DLGAP2: variants seen among roughly 807,000 people sequenced by gnomAD.
DLGAP2 encodes the protein disks large-associated protein 2.
Under a neutral mutation model 100.3 loss-of-function variants are expected in DLGAP2, and 26 were observed. That is an observed-to-expected ratio of 0.26 (90% CI 0.19 to 0.36). The LOEUF (loss-of-function observed/expected upper bound fraction) is 0.36, where lower values mean the gene tolerates loss of function less well. Ranked by LOEUF, DLGAP2 falls within the 10% of genes least tolerant of loss-of-function variation. The pLI is 1.00. For synonymous variants in DLGAP2, 886 were observed against 630.1 expected (o/e 1.41, Z -6.08); for missense variants, 1,858 against 1,453.2 (o/e 1.28, Z -4.53).
At chr8:1,205,832 A>G (rs939954889) in intron 2 of DLGAP2, among the ~76,000 whole-genome samples, 9 of 152,146 alleles carry the variant, frequency 5.9e-5, no homozygotes, top group African/African-American at 1.9e-4. Flanking sequence ...GAATACATCA[A>G]ATCTGGAGTA....
intron 3 of DLGAP2, among the ~76,000 whole-genome samples, chr8:1,320,927 CTGTGTGTATACATGTATCTGTGTG>C (rs1455831664): frequency 3.9e-5 from 6 of 152,090 alleles, no homozygotes; most frequent in Non-Finnish European, 1.5e-5. Context: ...GTGCATGTAT[CTGTGTGTATACATGTATCTGTGTG>C]TGTGCATGCA....
At chr8:886,416 T>C (rs1162173896) in intron 1 of DLGAP2, among the ~76,000 whole-genome samples, 1 of 152,176 alleles carries the variant, frequency 6.6e-6, no homozygotes, top group Non-Finnish European at 1.5e-5. Flanking sequence ...CTGCTAGCTT[T>C]TGGATTAGTT....
rs565613882 is a variant in DLGAP2 at position 1,565,081 on chromosome 8, C to T, written c.1231-602C>T. 5.3e-5 allele frequency among the ~76,000 whole-genome samples: 8 copies of T among 152,156 alleles called. No homozygotes were observed. In the East Asian group the frequency reaches 7.7e-4, roughly 15 times the overall value. On this transcript the variant is annotated intron_variant, in intron 5 of 14. Coordinates refer to ENST00000637795, the MANE Select transcript of DLGAP2 (RefSeq NM_001346810.2). ...GTACCACCCAGATATATAACATGAGCGGGTGCTGAGTTCTGTAACAGGCAG... is the reference window on the plus strand; with the variant it reads ...GTACCACCCAGATATATAACATGAGTGGGTGCTGAGTTCTGTAACAGGCAG...
At chr8:1,083,922 A>C (rs1435944285) in intron 2 of DLGAP2, among the ~76,000 whole-genome samples, 1 of 152,208 alleles carries the variant, frequency 6.6e-6, no homozygotes, top group African/African-American at 2.4e-5. Flanking sequence ...CAAAATGCAA[A>C]ATCATAACTT....
chr8:1,262,854 A>G (rs1376944928), intron 3 of DLGAP2, among the ~76,000 whole-genome samples: 1 of 152,086 alleles, frequency 6.6e-6, no homozygotes, highest in Non-Finnish European at 1.5e-5. Flanking sequence ...AACACAGGAA[A>G]ATTTATGGAC....
Position 1,697,265 on chromosome 8 carries a change from A to G in DLGAP2, c.2915A>G (p.Asn972Ser), listed in dbSNP as rs772629097. 2.3e-5 allele frequency: 37 copies of G among 1,610,078 alleles called. No individual in the cohort carries two copies. The South Asian group carries it at 3.7e-4, about 16-fold the overall frequency. ...GACGAGCTGCAGCGGCTGCGGCTCA[A>G]CGACTGGAAGATGATGGAGTCCCCG... ...KFDELQRLRLNDWKMMESPER... is the reference protein window; with the variant it reads ...KFDELQRLRLSDWKMMESPER... The change falls in exon 14 of 15, where the codon AAC becomes AGC. Residue 972 changes from asparagine (N) to serine (S), a missense_variant. Coordinates refer to ENST00000637795, the MANE Select transcript of DLGAP2 (RefSeq NM_001346810.2).
intron 3 of DLGAP2, among the ~76,000 whole-genome samples, chr8:1,500,613 G>T (rs1799687989): frequency 6.6e-6 from 1 of 152,218 alleles, no homozygotes. Context: ...GCTCCTCAGG[G>T]ACCAGTTAAA....
chr8:952,145 A>G (rs1323485674), intron 2 of DLGAP2, among the ~76,000 whole-genome samples: 1 of 152,208 alleles, frequency 6.6e-6, no homozygotes, highest in East Asian at 1.9e-4. Context: ...TGGAGCCTGC[A>G]TTGATGGAAC....
At chr8:1,109,057 AAG>A (rs1804871536) in intron 2 of DLGAP2, among the ~76,000 whole-genome samples, 1 of 133,518 alleles carries the variant, frequency 7.5e-6, no homozygotes, top group Non-Finnish European at 1.6e-5. Flanking sequence ...TGTGCCTATG[AAG>A]TGTGCTGGGT....
intron 2 of DLGAP2, among the ~76,000 whole-genome samples, chr8:1,232,855 T>C (rs1427545040): frequency 6.6e-6 from 1 of 152,218 alleles, no homozygotes; most frequent in Non-Finnish European, 1.5e-5. Context: ...GCTTTTAGTG[T>C]GTTTGCACGG....
intron 2 of DLGAP2, among the ~76,000 whole-genome samples, chr8:1,200,842 C>G (rs921408183): frequency 1.3e-5 from 2 of 152,242 alleles, no homozygotes; most frequent in Non-Finnish European, 1.5e-5. Context: ...GTTTTCCGTT[C>G]CCACATATCG....
At chr8:1,056,272 G>A (rs1475760478) in intron 2 of DLGAP2, among the ~76,000 whole-genome samples, 1 of 152,178 alleles carries the variant, frequency 6.6e-6, no homozygotes, top group Non-Finnish European at 1.5e-5. Flanking sequence ...CTCTCCACTC[G>A]TGGCATCTGT....
chr8:1,110,766 G>T (rs1047464686), intron 2 of DLGAP2, among the ~76,000 whole-genome samples: 9 of 148,226 alleles, frequency 6.1e-5, no homozygotes, highest in Admixed American at 2.0e-4. Context: ...CCCTGCAGTG[G>T]CACTGTTTTT....
intron 2 of DLGAP2, among the ~76,000 whole-genome samples, chr8:1,176,818 C>T (rs1435894105): frequency 6.6e-6 from 1 of 152,178 alleles, no homozygotes; most frequent in African/African-American, 2.4e-5. Context: ...TGGTCACATT[C>T]TCTCAACACA....
At position 1,216,334 on chromosome 8, in the gene DLGAP2, G is replaced by A. The variant is rs145890765; in HGVS notation, c.74-42517G>A. Among the ~76,000 whole-genome samples the A allele has an allele frequency of 3.6e-3, 552 of 152,108 alleles. 3 individuals carry two copies. The highest frequency in any genetic ancestry group is 0.011 in the South Asian group (55 of 4,814). On this transcript the variant is annotated intron_variant, in intron 2 of 14. Transcript: ENST00000637795. ...CAGGAAGGCATGTCCGTACTTCAGG[G>A]ACTCAGGCTCTGTCCTAATTGTTTT...
intron 6 of DLGAP2, among the ~76,000 whole-genome samples, chr8:1,616,375 G>T (rs1017813968): frequency 6.6e-6 from 1 of 152,046 alleles, no homozygotes; most frequent in African/African-American, 2.4e-5. Context: ...TGGTTTGAAA[G>T]AATCCACAGA....
intron 2 of DLGAP2, among the ~76,000 whole-genome samples, chr8:1,156,005 G>A (rs114442422): frequency 0.025 from 3,878 of 152,282 alleles, 188 homozygotes; most frequent in African/African-American, 0.088. Flanking sequence ...GGGCCTGTGG[G>A]CCGGTGACTT....
intron 3 of DLGAP2, among the ~76,000 whole-genome samples, chr8:1,337,469 GGAT>G (rs1368006796): frequency 9.8e-4 from 14 of 14,238 alleles, no homozygotes; most frequent in African/African-American, 3.2e-3. Context: ...AGAATGGTGA[GGAT>G]GATGGGGATG....
intron 13 of DLGAP2, 65 bp from the exon 14 acceptor site, chr8:1,697,082 G>A (rs868543559): frequency 4.0e-5 from 56 of 1,407,766 alleles, no homozygotes; most frequent in Middle Eastern, 5.0e-4. Flanking sequence ...GGGGAGGAGT[G>A]GCCTCCCCAG....
Sources: gnomAD v4.1 joint callset for allele counts (sites outside exome capture counted in the v4.1 genomes callset) on GRCh38, gnomAD v4.1.1 for gene constraint, MANE v1.5 for transcripts, NCBI Gene and HGNC (gene_info 2026-07-23, HGNC 2026-07-21) for gene names.